The following JCAD variants were observed in gnomAD, a reference collection of about 807,000 sequenced individuals.
JCAD encodes the protein junctional cadherin 5-associated protein.
In JCAD, 40 loss-of-function variants were observed where a neutral mutation model predicts 98.0. The ratio of observed to expected loss-of-function variants is 0.41; its 90% CI spans 0.32 to 0.53. The LOEUF (loss-of-function observed/expected upper bound fraction) is 0.53. Among genes scored for constraint, JCAD ranks in the 20% least tolerant of loss-of-function variants. The pLI, the probability that JCAD is intolerant of heterozygous loss-of-function variation, is 0.31. For synonymous variants in JCAD, 691 were observed against 682.3 expected (o/e 1.01, Z -0.20); for missense variants, 1,705 against 1,738.1 (o/e 0.98, Z 0.34).
intron 1 of JCAD, among the ~76,000 whole-genome samples, chr10:30,089,632 A>G (rs1838228412): frequency 6.6e-6 from 1 of 152,008 alleles, no homozygotes; most frequent in South Asian, 2.1e-4. Context: ...AAATATCTAG[A>G]GTTCATTAGA....
At chr10:30,080,180 T>A (rs1838058075) in intron 1 of JCAD, among the ~76,000 whole-genome samples, 1 of 152,226 alleles carries the variant, frequency 6.6e-6, no homozygotes, top group Admixed American at 6.5e-5. Flanking sequence ...TTTGGAATTC[T>A]TATCTTAGAA....
rs1836945483 is a variant in JCAD at position 30,029,649 on chromosome 10, G to C, written c.499C>G (p.Pro167Ala). Residue 167 changes from proline to alanine, a missense_variant, in exon 3 of 4, where the codon CCA becomes GCA. Transcript: ENST00000375377. ...ATTCGCAATTCTTCTTCCCAAACTG[G>C]CTTCTTCATCACATGCTCTGACCTT... The part of the protein sequence containing the change: ...GGRSEHVMKK[P>A]VWEEELRMSG... The C allele has an allele frequency of 6.2e-6, 10 of 1,614,056 alleles. No homozygotes were observed. Among genetic ancestry groups the C allele is most frequent in the Non-Finnish European group, 8.5e-6 (10 of 1,180,044 alleles).
At position 30,026,323 on chromosome 10, in the gene JCAD, G is replaced by A. The variant is rs780451132; in HGVS notation, c.3825C>T (p.Ser1275=). The stretch of plus-strand genomic sequence containing the variant: ...CCTCCTGGGAGTCGGCATTCCTGAA[G>A]CTCAGGACTCTCATCCGTGACACTG... ...VSSVSRMRVL[S]FRNADSQEDA... is the part of the protein sequence containing the mutation. The change falls in exon 3 of 4, where the codon AGC becomes AGT. Residue 1275 remains serine (S), a synonymous_variant. Coordinates refer to ENST00000375377, the MANE Select transcript of JCAD (RefSeq NM_020848.4). 1 of 1,614,024 alleles carries A rather than the reference G, an allele frequency of 6.2e-7. No homozygotes were observed. Among genetic ancestry groups the A allele is most frequent in the African/African-American group, 1.3e-5 (1 of 74,936 alleles).
At chr10:30,112,279 G>T (rs987661413) in intron 1 of JCAD, among the ~76,000 whole-genome samples, 5 of 151,996 alleles carry the variant, frequency 3.3e-5, no homozygotes, top group African/African-American at 4.8e-5. Flanking sequence ...TTCAAGACCA[G>T]CCTGGGCAAC....
Position 30,013,175 on chromosome 10 carries a change from T to C in JCAD, c.*4708A>G, listed in dbSNP as rs1836459778. On this transcript the variant is annotated 3_prime_UTR_variant, in exon 4 of 4. Coordinates refer to ENST00000375377, the MANE Select transcript of JCAD (RefSeq NM_020848.4). ...AGTTTCTGTGGTTAGCTGGGCATGGTGGTGTGCACCTGTAGTCCCAGCTAC... is the reference window on the plus strand; with the variant it reads ...AGTTTCTGTGGTTAGCTGGGCATGGCGGTGTGCACCTGTAGTCCCAGCTAC... 6.6e-6 allele frequency: 1 copy of C among 152,316 alleles called. No homozygotes were observed. The highest frequency in any genetic ancestry group is 1.5e-5 in the Non-Finnish European group (1 of 68,160). 9.4% of individuals were successfully genotyped at this position (152,316 alleles called of 1,614,324 possible).
At chr10:30,064,765 AG>A (rs1166855200) in intron 2 of JCAD, among the ~76,000 whole-genome samples, 4 of 151,808 alleles carry the variant, frequency 2.6e-5, no homozygotes, top group African/African-American at 9.7e-5. Flanking sequence ...TCCACCTCCC[AG>A]GTTCAAGCAG....
At chr10:30,055,905 T>C (rs1177063910) in intron 1 of JCAD, among the ~76,000 whole-genome samples, 1 of 151,852 alleles carries the variant, frequency 6.6e-6, no homozygotes, top group African/African-American at 2.4e-5. Flanking sequence ...GACTCCTCTT[T>C]TTTTTCTTTC....
At chr10:30,094,093 C>T (rs1457474691) in intron 1 of JCAD, among the ~76,000 whole-genome samples, 2 of 152,056 alleles carry the variant, frequency 1.3e-5, no homozygotes, top group Non-Finnish European at 2.9e-5. Context: ...AAAGGGAAAT[C>T]ATTAGGAACT....
At chr10:30,089,818 TAC>T (rs370546951) in intron 1 of JCAD, among the ~76,000 whole-genome samples, 1 of 151,452 alleles carries the variant, frequency 6.6e-6, no homozygotes, top group Non-Finnish European at 1.5e-5. Context: ...GTTTTTAAAG[TAC>T]ACACACACAC....
At chr10:30,052,130 G>C (rs1699378952) in intron 1 of JCAD, among the ~76,000 whole-genome samples, 1 of 152,202 alleles carries the variant, frequency 6.6e-6, no homozygotes, top group Non-Finnish European at 1.5e-5. Flanking sequence ...AGGGATTATA[G>C]AATTAGGAAG....
At position 30,047,597 on chromosome 10, in the gene JCAD, G is replaced by A; in HGVS notation, c.216C>T (p.Arg72=). The A allele has an allele frequency of 1.2e-6, 2 of 1,614,118 alleles. No individual in the cohort carries two copies. Among genetic ancestry groups the A allele is most frequent in the South Asian group, 1.1e-5 (1 of 91,064 alleles). The change falls in exon 2 of 4, where the codon CGC becomes CGT. Residue 72 remains arginine, a synonymous_variant. Coordinates refer to ENST00000375377, the MANE Select transcript of JCAD (RefSeq NM_020848.4). ...CCCCGTGGCCTCTCGGTGTGCTGCG[G>A]CGGCTTTCGGAGTCACTCACATGTC... ...GKGHVSDSES[R]RSTPRGHGEP...
At chr10:30,099,065 C>T (rs1321218701) in intron 1 of JCAD, among the ~76,000 whole-genome samples, 1 of 152,204 alleles carries the variant, frequency 6.6e-6, no homozygotes, top group Admixed American at 6.5e-5. Context: ...GTTTATCCTT[C>T]ACCCAGGATT....
chr10:30,114,578 T>TAAAAAAAAAAAAAAAAAAAAAAAA (rs11360136), intron 1 of JCAD, among the ~76,000 whole-genome samples: 1 of 124,686 alleles, frequency 8.0e-6, no homozygotes. Context: ...ACAGCACAAT[T>TAAAAAAAAAAAAAAAAAAAAAAAA]AAAAAAAAAA....
intron 1 of JCAD, among the ~76,000 whole-genome samples, chr10:30,051,272 GCACACA>G (rs1449006866): frequency 1.6e-5 from 2 of 121,718 alleles, no homozygotes; most frequent in Non-Finnish European, 3.6e-5. Context: ...ACACACGCAC[GCACACA>G]CGCACGCACA....
chr10:30,027,528 A>G lies in JCAD; in HGVS notation c.2620T>C (p.Cys874Arg). 6.2e-7 allele frequency: 1 copy of G among 1,612,764 alleles called. No homozygotes were observed. Among genetic ancestry groups the G allele is most frequent in the Non-Finnish European group, 8.5e-7 (1 of 1,180,042 alleles). The part of the protein sequence containing the change: ...AEPQQENRAH[C>R]RQEDVGFRGN... ...CGGAAGCCCACATCCTCCTGTCTGC[A>G]GTGAGCACGGTTCTCCTGCTGCGGC... The change falls in exon 3 of 4, where the codon TGC becomes CGC. Residue 874 changes from cysteine to arginine, a missense_variant. Physicochemically the swap from Cys to Arg is radical, Grantham distance 180. Transcript: ENST00000375377.
chr10:30,018,112 G>A (rs552868906), intron 3 of JCAD, among the ~76,000 whole-genome samples, 195 bp from the exon 4 acceptor site: 22 of 152,282 alleles, frequency 1.4e-4, no homozygotes, highest in African/African-American at 5.3e-4. Flanking sequence ...TCAAAGAATT[G>A]TGCATAGTCA....
At chr10:30,102,829 G>A (rs531561315) in intron 1 of JCAD, among the ~76,000 whole-genome samples, 3 of 151,474 alleles carry the variant, frequency 2.0e-5, no homozygotes, top group Non-Finnish European at 3.0e-5. Flanking sequence ...CCTCATAATC[G>A]TGGCAGAAGG....
chr10:30,032,744 C>G (rs958063705), intron 2 of JCAD, among the ~76,000 whole-genome samples: 1 of 152,196 alleles, frequency 6.6e-6, no homozygotes, highest in African/African-American at 2.4e-5. Flanking sequence ...AATTTTTGAA[C>G]AGCCTGGGTA....
chr10:30,109,886 C>G (rs1420871795), intron 1 of JCAD, among the ~76,000 whole-genome samples: 3 of 151,462 alleles, frequency 2.0e-5, no homozygotes, highest in Non-Finnish European at 4.4e-5. Context: ...ATCTAGAGAC[C>G]AGCAGATGTA....
Sources: allele counts gnomAD v4.1 joint callset (sites outside exome capture counted in the v4.1 genomes callset), GRCh38; gene constraint gnomAD v4.1.1; transcripts MANE v1.5; gene names NCBI Gene and HGNC (gene_info 2026-07-23, HGNC 2026-07-21).